ALKAL1: variants seen among roughly 807,000 people sequenced by gnomAD.
ALKAL1 encodes AUG-beta.
In ALKAL1, 23 loss-of-function variants were observed where a neutral mutation model predicts 13.5. The ratio of observed to expected loss-of-function variants is 1.70; its 90% CI spans 1.23 to 2.41. The LOEUF (loss-of-function observed/expected upper bound fraction) is 2.41. ALKAL1 is among the 30% of genes most tolerant of loss of function. ALKAL1 has a pLI of 0.00. For missense variants in ALKAL1, 181 were observed against 178.4 expected, an observed-to-expected ratio of 1.01 and a Z score of -0.08; for synonymous variants, 85 against 77.7, an observed-to-expected ratio of 1.09 and a Z score of -0.49.
chr8:52,535,926 T>C (rs909751207), intron 4 of ALKAL1, among the ~76,000 whole-genome samples: 7 of 150,888 alleles, frequency 4.6e-5, no homozygotes, highest in Non-Finnish European at 7.4e-5. Flanking sequence ...AATCTTAGAC[T>C]ACAAGTCCTC....
chr8:52,563,178 G>T (rs2150348767), intron 1 of ALKAL1, among the ~76,000 whole-genome samples: 1 of 152,306 alleles, frequency 6.6e-6, no homozygotes, highest in East Asian at 1.9e-4. Context: ...AGCACTTTGG[G>T]AGGCCAAGGC....
chr8:52,555,403 G>C (rs1847472684), intron 1 of ALKAL1, among the ~76,000 whole-genome samples: 1 of 152,048 alleles, frequency 6.6e-6, no homozygotes, highest in Non-Finnish European at 1.5e-5. Flanking sequence ...TCCCTCTCAG[G>C]GTAGCCATTC....
In ALKAL1 at chr8:52,549,671, G is replaced by A. The variant is rs151286730; in HGVS notation, c.191-7226C>T. On this transcript the variant is annotated intron_variant, in intron 1 of 4. Coordinates refer to ENST00000358543, the MANE Select transcript of ALKAL1 (RefSeq NM_207413.4). ...AAAAATACTAAATTGGCCGGGCACG[G>A]TGTCTCATGTCTGTAATCTCAGCAC... Among the ~76,000 whole-genome samples, 845 of 152,198 alleles carry A rather than the reference G, an allele frequency of 5.6e-3. 7 individuals are homozygous for A. The highest frequency in any genetic ancestry group is 0.02 in the African/African-American group (812 of 41,538).
intron 1 of ALKAL1, among the ~76,000 whole-genome samples, chr8:52,557,153 C>T (rs1339691710): frequency 6.6e-6 from 1 of 152,124 alleles, no homozygotes; most frequent in East Asian, 1.9e-4. Context: ...CAAATATAAC[C>T]AAGCTTTGAA....
intron 4 of ALKAL1, among the ~76,000 whole-genome samples, chr8:52,535,505 C>G (rs1260527730): frequency 8.3e-6 from 1 of 120,156 alleles, no homozygotes; most frequent in East Asian, 2.6e-4. Context: ...GAGCTATGAT[C>G]AAGCCACTGC....
At chr8:52,538,366 G>T in intron 4 of ALKAL1, 65 bp downstream of exon 4, 1 of 966,870 alleles carries the variant, frequency 1.0e-6, no homozygotes, top group Non-Finnish European at 1.6e-6. Context: ...AAAAAGAAAA[G>T]GAAAAAATGT....
chr8:52,551,120 C>T (rs1163837393), intron 1 of ALKAL1, among the ~76,000 whole-genome samples: 30 of 151,980 alleles, frequency 2.0e-4, no homozygotes. Context: ...GACTTATTTA[C>T]AAAATTTCAA....
intron 1 of ALKAL1, among the ~76,000 whole-genome samples, chr8:52,552,715 G>A (rs1847441798): frequency 6.6e-6 from 1 of 152,110 alleles, no homozygotes; most frequent in Admixed American, 6.5e-5. Context: ...GTGTTCCTTT[G>A]ATTCTGTCAT....
At chr8:52,543,585 T>A (rs959569118) in intron 1 of ALKAL1, among the ~76,000 whole-genome samples, 1 of 152,246 alleles carries the variant, frequency 6.6e-6, no homozygotes. Flanking sequence ...AATGAACACC[T>A]GCACTTTACA....
intron 1 of ALKAL1, among the ~76,000 whole-genome samples, chr8:52,542,719 C>G (rs934272175): frequency 5.3e-5 from 8 of 152,324 alleles, no homozygotes; most frequent in Admixed American, 3.3e-4. Context: ...TCTGCCCAGA[C>G]CTGTTTCTCC....
Position 52,542,384 on chromosome 8 carries a change from G to T in ALKAL1, c.244+8C>A. Reference sequence around the variant, plus strand: ...GTTAATGGAATCACTGATACATTTTGTACTTACCTGTGAAATGCTTTATGA... The same window carrying T: ...GTTAATGGAATCACTGATACATTTTTTACTTACCTGTGAAATGCTTTATGA... On this transcript the variant is annotated splice_region_variant and intron_variant, in intron 2 of 4. Coordinates refer to ENST00000358543, the MANE Select transcript of ALKAL1 (RefSeq NM_207413.4). 1.3e-6 allele frequency: 2 copies of T among 1,511,002 alleles called. No homozygotes were observed. Among genetic ancestry groups the T allele is most frequent in the East Asian group, 2.3e-5 (1 of 44,280 alleles). The allele number at this position is 1,511,002 out of a possible 1,614,324, so 93.6% of individuals were successfully genotyped here. A position where few individuals can be genotyped will look rare whatever the true frequency, so the allele number is the denominator to read the frequency against.
chr8:52,564,987 A>C, intron 1 of ALKAL1, 80 bp downstream of exon 1: 1 of 1,150,468 alleles, frequency 8.7e-7, no homozygotes, highest in Non-Finnish European at 1.1e-6. Flanking sequence ...TCCCAAAGCG[A>C]GTGCCTCGCC....
At chr8:52,535,251 G>T (rs1388257891) in intron 4 of ALKAL1, among the ~76,000 whole-genome samples, 2 of 152,020 alleles carry the variant, frequency 1.3e-5, no homozygotes, top group African/African-American at 4.8e-5. Flanking sequence ...GTTTTGCATT[G>T]TTCAAAAGAG....
chr8:52,565,111 G>C lies in ALKAL1; in HGVS notation c.146C>G (p.Pro49Arg). ...GGGAGTCCGGCCGGCCCCGGCCGCG[G>C]GGAGGAAAAGCAACGGCTTGGGCTC... ...DKEPKPLLFL[P>R]AAGAGRTPSG... Residue 49 changes from proline to arginine, a missense_variant, in exon 1 of 5, where the codon CCC (proline) becomes CGC (arginine). Coordinates refer to ENST00000358543, the MANE Select transcript of ALKAL1 (RefSeq NM_207413.4). 1 of 1,416,402 alleles carries C rather than the reference G, an allele frequency of 7.1e-7. No individual in the cohort carries two copies. Among genetic ancestry groups the C allele is most frequent in the Non-Finnish European group, 9.3e-7 (1 of 1,079,196 alleles). 87.7% of individuals were successfully genotyped at this position (1,416,402 alleles called of 1,614,324 possible).
rs146739363 is a variant in ALKAL1, at chr8:52,542,397, A to G, written c.239T>C (p.Phe80Ser). ...SNLKDKFIKH[F>S]TGPVTFSPEC... The stretch of plus-strand genomic sequence containing the variant: ...CTGATACATTTTGTACTTACCTGTG[A>G]AATGCTTTATGAATTTGTCTTTTAA... Residue 80 changes from phenylalanine (F) to serine (S), a missense_variant, in exon 2 of 5, where the codon TTC (phenylalanine) becomes TCC (serine). Phe to Ser is a radical substitution (Grantham distance 155, BLOSUM62 -2). Coordinates refer to ENST00000358543, the MANE Select transcript of ALKAL1 (RefSeq NM_207413.4). 1.2e-5 allele frequency: 18 copies of G among 1,539,906 alleles called. No homozygotes were observed. Among genetic ancestry groups the G allele is most frequent in the Non-Finnish European group, 1.6e-5 (18 of 1,119,206 alleles).
At chr8:52,538,566 C>A in intron 3 of ALKAL1, 59 bp from the exon 4 acceptor site, 1 of 1,126,148 alleles carries the variant, frequency 8.9e-7, no homozygotes, top group Non-Finnish European at 1.3e-6. Flanking sequence ...TTGGGGAAAT[C>A]CTGTTATTAT....
At chr8:52,557,304 A>G (rs1026814202) in intron 1 of ALKAL1, among the ~76,000 whole-genome samples, 3 of 152,152 alleles carry the variant, frequency 2.0e-5, no homozygotes, top group African/African-American at 4.8e-5. Flanking sequence ...CTGTTGTTAT[A>G]TCTTCACAAG....
intron 1 of ALKAL1, among the ~76,000 whole-genome samples, chr8:52,543,172 G>T (rs1376420136): frequency 6.6e-6 from 1 of 152,102 alleles, no homozygotes; most frequent in Admixed American, 6.5e-5. Context: ...ACAAACAATC[G>T]GGAGCATGTG....
chr8:52,537,139 T>C (rs1847272721), intron 4 of ALKAL1, among the ~76,000 whole-genome samples: 1 of 151,938 alleles, frequency 6.6e-6, no homozygotes, highest in Non-Finnish European at 1.5e-5. Flanking sequence ...AAACAGATAA[T>C]CTGATTTAAA....
Sources: allele counts gnomAD v4.1 joint callset (sites outside exome capture counted in the v4.1 genomes callset), GRCh38; gene constraint gnomAD v4.1.1; transcripts MANE v1.5; gene names NCBI Gene and HGNC (gene_info 2026-07-23, HGNC 2026-07-21).